Variants in KCNK1 observed in about 807,000 individuals in gnomAD.
KCNK1 encodes the protein potassium channel subfamily K member 1.
KCNK1 carries 10 observed loss-of-function variants against 22.2 expected under a neutral mutation model. The ratio of observed to expected loss-of-function variants is 0.45; its 90% confidence interval spans 0.28 to 0.76. KCNK1 has a LOEUF of 0.76. KCNK1 is among the 30% of genes least tolerant of loss of function. KCNK1 has a pLI of 0.14. For missense variants in KCNK1, 378 were observed against 421.0 expected, an observed-to-expected ratio of 0.90 and a Z score of 0.89; for synonymous variants, 200 against 186.4, an observed-to-expected ratio of 1.07 and a Z score of -0.60.
At chr1:233,627,600 A>C (rs1472204599) in intron 1 of KCNK1, among the ~76,000 whole-genome samples, 1 of 127,546 alleles carries the variant, frequency 7.8e-6, no homozygotes, top group African/African-American at 2.9e-5. Context: ...GCTCCAGCAG[A>C]TGCACCTCGC....
intron 1 of KCNK1, among the ~76,000 whole-genome samples, chr1:233,617,115 A>G (rs796681134): frequency 6.6e-5 from 10 of 152,182 alleles, no homozygotes; most frequent in African/African-American, 2.4e-4. Context: ...TTGTTACCTA[A>G]TTAATCAGTA....
intron 1 of KCNK1, among the ~76,000 whole-genome samples, chr1:233,614,732 C>G (rs1189678764): frequency 1.3e-5 from 2 of 151,992 alleles, no homozygotes. Context: ...GCCTGGGTGA[C>G]TCGGGAGGGC....
Position 233,614,328 on chromosome 1 carries a change from C to T in KCNK1, c.157C>T (p.Arg53Cys). 2 of 1,611,912 alleles carry T rather than the reference C, an allele frequency of 1.2e-6. No homozygotes were observed. Among genetic ancestry groups the T allele is most frequent in the Non-Finnish European group, 1.7e-6 (2 of 1,179,160 alleles). Reference protein sequence around the residue: ...SVELPYEDLLRQELRKLKRRF... With the variant: ...SVELPYEDLLCQELRKLKRRF... ...GGAGCTGCCCTATGAGGACCTGCTG[C>T]GCCAGGAGCTGCGCAAGCTGAAGCG... Residue 53 changes from arginine (R) to cysteine (C), a missense_variant, in exon 1 of 3, where the codon CGC (arginine) becomes TGC (cysteine). Transcript: ENST00000366621.
chr1:233,614,617 TC>T lies in KCNK1; in HGVS notation c.355+94del. 3 of 816,388 alleles carry T rather than the reference TC, an allele frequency of 3.7e-6. No individual in the cohort carries two copies. In the South Asian group the frequency reaches 5.6e-5, roughly 15 times the overall value. 50.6% of individuals were successfully genotyped at this position (816,388 alleles called of 1,614,324 possible). On this transcript the variant is annotated intron_variant, in intron 1 of 2. Transcript: ENST00000366621. ...CCGGCGCCCCGGGCCCCTCTAACCC[TC>T]CCACCCCACCCCCCACCTTTCGCCA...
At chr1:233,643,960 A>G (rs1231760112) in intron 1 of KCNK1, among the ~76,000 whole-genome samples, 1 of 152,210 alleles carries the variant, frequency 6.6e-6, no homozygotes, top group Non-Finnish European at 1.5e-5. Flanking sequence ...ACTGCCACCC[A>G]TTTCAGGAGG....
intron 1 of KCNK1, among the ~76,000 whole-genome samples, chr1:233,614,979 A>C (rs1693235): frequency 0.55 from 82,862 of 151,730 alleles, 25,318 homozygotes; most frequent in African/African-American, 0.83. Context: ...TTCCTCCCGC[A>C]CCCATCCCAG....
At chr1:233,634,965 T>C (rs1024403084) in intron 1 of KCNK1, among the ~76,000 whole-genome samples, 2 of 152,222 alleles carry the variant, frequency 1.3e-5, no homozygotes, top group African/African-American at 4.8e-5. Flanking sequence ...CCCTCACTCG[T>C]ACTCAGGCTT....
At chr1:233,638,878 T>C (rs763850976) in intron 1 of KCNK1, among the ~76,000 whole-genome samples, 8 of 152,336 alleles carry the variant, frequency 5.3e-5, no homozygotes, top group Admixed American at 5.2e-4. Context: ...CTCTGTGGGG[T>C]AGTGTGTATG....
intron 1 of KCNK1, among the ~76,000 whole-genome samples, chr1:233,664,937 T>A (rs1281173423): frequency 1.3e-5 from 2 of 152,242 alleles, no homozygotes; most frequent in East Asian, 1.9e-4. Context: ...CTGAATTGAC[T>A]TGTTCAGACA....
At chr1:233,670,779 C>A (rs202207376) in intron 2 of KCNK1, among the ~76,000 whole-genome samples, 5 of 152,258 alleles carry the variant, frequency 3.3e-5, no homozygotes, top group South Asian at 4.1e-4. Context: ...ACTGCAATTT[C>A]TATTATAAAC....
At chr1:233,619,140 C>T (rs1657534683) in intron 1 of KCNK1, among the ~76,000 whole-genome samples, 1 of 152,076 alleles carries the variant, frequency 6.6e-6, no homozygotes, top group Non-Finnish European at 1.5e-5. Flanking sequence ...ACTTCAGCCT[C>T]CTGAGGAGCT....
At chr1:233,616,532 A>G (rs1195380246) in intron 1 of KCNK1, among the ~76,000 whole-genome samples, 14 of 152,210 alleles carry the variant, frequency 9.2e-5, no homozygotes. Context: ...GAAAGTCTGT[A>G]TTCATGCAAA....
At chr1:233,635,842 A>T (rs1274960656) in intron 1 of KCNK1, among the ~76,000 whole-genome samples, 24 of 152,348 alleles carry the variant, frequency 1.6e-4, no homozygotes, top group Admixed American at 1.6e-3. Context: ...TTTACATAAA[A>T]TAAGTGTTAA....
At chr1:233,639,082 AAC>A (rs1228875594) in intron 1 of KCNK1, among the ~76,000 whole-genome samples, 9 of 152,208 alleles carry the variant, frequency 5.9e-5, no homozygotes. Flanking sequence ...CTCCAGTCCT[AAC>A]ACACCCAAAA....
chr1:233,626,130 A>G (rs543182589), intron 1 of KCNK1, among the ~76,000 whole-genome samples: 9 of 151,978 alleles, frequency 5.9e-5, no homozygotes, highest in Non-Finnish European at 1.3e-4. Context: ...CGGACCACCG[A>G]TGCCTCTCGG....
intron 1 of KCNK1, among the ~76,000 whole-genome samples, chr1:233,615,785 T>G (rs1657480177): frequency 6.6e-6 from 1 of 152,000 alleles, no homozygotes; most frequent in Non-Finnish European, 1.5e-5. Flanking sequence ...GGCTATATCT[T>G]GTTGACTATC....
At chr1:233,616,303 A>G (rs1419855529) in intron 1 of KCNK1, among the ~76,000 whole-genome samples, 1 of 152,214 alleles carries the variant, frequency 6.6e-6, no homozygotes, top group East Asian at 1.9e-4. Flanking sequence ...GTTTTGAGGA[A>G]AAAGGTTTGC....
chr1:233,658,883 G>A (rs796600837), intron 1 of KCNK1, among the ~76,000 whole-genome samples: 1 of 152,178 alleles, frequency 6.6e-6, no homozygotes, highest in South Asian at 2.1e-4. Flanking sequence ...CTCTGGGTGA[G>A]TGAGTAAGTG....
intron 1 of KCNK1, among the ~76,000 whole-genome samples, chr1:233,655,110 A>G (rs1375856494): frequency 6.6e-6 from 1 of 152,260 alleles, no homozygotes; most frequent in Admixed American, 6.5e-5. Context: ...AAGCAGGACC[A>G]CAGCCCTAGT....
Sources: gnomAD v4.1 joint callset for allele counts (sites outside exome capture counted in the v4.1 genomes callset) on GRCh38, gnomAD v4.1.1 for gene constraint, MANE v1.5 for transcripts, NCBI Gene and HGNC (gene_info 2026-07-23, HGNC 2026-07-21) for gene names.